Variants in GABRB1 observed in about 807,000 individuals in gnomAD.
The protein encoded by GABRB1 is gamma-aminobutyric acid receptor subunit beta-1.
Under a neutral mutation model 51.6 loss-of-function variants are expected in GABRB1, and 17 were observed. The ratio of observed to expected loss-of-function variants is 0.33; its 90% confidence interval spans 0.23 to 0.49. GABRB1 has a LOEUF of 0.49. GABRB1 is among the 20% of genes least tolerant of loss of function. The probability of loss-of-function intolerance (pLI) is 0.99; values close to 1 mark genes in which losing one functional copy is unlikely to be tolerated. For synonymous variants in GABRB1, 247 were observed against 218.9 expected, an observed-to-expected ratio of 1.13 and a Z score of -1.14; for missense variants, 410 against 600.6, an observed-to-expected ratio of 0.68 and a Z score of 3.32.
At chr4:47,118,344 A>G (rs67848491) in intron 3 of GABRB1, among the ~76,000 whole-genome samples, 67,510 of 151,932 alleles carry the variant, frequency 0.44, 15,634 homozygotes, top group Middle Eastern at 0.52. Flanking sequence ...TCAATGAGAA[A>G]TTCTCTGACT....
At chr4:47,226,691 G>T (rs1314494156) in intron 4 of GABRB1, among the ~76,000 whole-genome samples, 1 of 152,030 alleles carries the variant, frequency 6.6e-6, no homozygotes, top group Non-Finnish European at 1.5e-5. Flanking sequence ...CAGAGATAGG[G>T]CAAAAGAAAA....
In GABRB1 at chr4:47,181,547, C is replaced by G. The variant is rs532341847; in HGVS notation, c.461+20078C>G. On this transcript the variant is annotated intron_variant, in intron 4 of 8. Transcript: ENST00000295454. ...TAATTCTCGTTCCATCATTTAGTAC[C>G]TCTTTGCTCATGTAATTATTTAATC... is the stretch of plus-strand genomic sequence containing the variant. 3.9e-5 allele frequency among the ~76,000 whole-genome samples: 6 copies of G among 152,106 alleles called. No individual in the cohort carries two copies. In the South Asian group the frequency reaches 8.3e-4, roughly 21 times the overall value.
intron 3 of GABRB1, among the ~76,000 whole-genome samples, chr4:47,057,292 G>A (rs1163936571): frequency 6.6e-6 from 1 of 152,050 alleles, no homozygotes; most frequent in East Asian, 1.9e-4. Flanking sequence ...TAATAATCTT[G>A]GCACACAAAG....
At chr4:47,089,402 A>T (rs1460890233) in intron 3 of GABRB1, among the ~76,000 whole-genome samples, 1 of 152,160 alleles carries the variant, frequency 6.6e-6, no homozygotes, top group African/African-American at 2.4e-5. Context: ...TGCCAGTTTA[A>T]AGTGGTCTAT....
intron 5 of GABRB1, among the ~76,000 whole-genome samples, chr4:47,378,947 C>A (rs1727495236): frequency 6.6e-6 from 1 of 152,142 alleles, no homozygotes; most frequent in African/African-American, 2.4e-5. Flanking sequence ...CTTTTTCTCT[C>A]CGTCACACCA....
chr4:47,049,412 T>C (rs1244982501), intron 3 of GABRB1, among the ~76,000 whole-genome samples: 1 of 152,108 alleles, frequency 6.6e-6, no homozygotes, highest in Non-Finnish European at 1.5e-5. Flanking sequence ...AGACGACCAA[T>C]TTTTGGGTAG....
At chr4:47,371,473 A>G (rs1727192935) in intron 5 of GABRB1, among the ~76,000 whole-genome samples, 1 of 152,220 alleles carries the variant, frequency 6.6e-6, no homozygotes, top group Non-Finnish European at 1.5e-5. Flanking sequence ...TTGCTGGTTC[A>G]AGTGGTATTT....
At chr4:47,263,256 A>G (rs1423957573) in intron 4 of GABRB1, among the ~76,000 whole-genome samples, 1 of 152,050 alleles carries the variant, frequency 6.6e-6, no homozygotes, top group East Asian at 1.9e-4. Context: ...ACAAGAATTA[A>G]AATTTTAAGG....
Position 47,364,077 on chromosome 4 carries a change from A to C in GABRB1, c.545-39241A>C, listed in dbSNP as rs55724192. Among the ~76,000 whole-genome samples, 959 of 152,308 alleles carry C rather than the reference A, an allele frequency of 6.3e-3. 15 individuals carry two copies. The highest frequency in any genetic ancestry group is 0.022 in the African/African-American group (908 of 41,542). On this transcript the variant is annotated intron_variant, in intron 5 of 8. Transcript: ENST00000295454. ...CTGGAGATAGAAATGGTCTAAATTC[A>C]CACAATAAAAACTGCATGCATCAGA...
intron 4 of GABRB1, among the ~76,000 whole-genome samples, chr4:47,309,262 GT>G (rs36085340): frequency 6.6e-6 from 1 of 151,018 alleles, no homozygotes; most frequent in Non-Finnish European, 1.5e-5. Context: ...ATCCTTTAAA[GT>G]TTTTTTTTGC....
intron 3 of GABRB1, among the ~76,000 whole-genome samples, chr4:47,043,548 C>A (rs1725952211): frequency 6.6e-6 from 1 of 152,056 alleles, no homozygotes; most frequent in Non-Finnish European, 1.5e-5. Flanking sequence ...TTTGCATAGT[C>A]ACTGTTCTGC....
intron 4 of GABRB1, among the ~76,000 whole-genome samples, chr4:47,289,757 A>G (rs1352268012): frequency 1.3e-5 from 2 of 152,258 alleles, no homozygotes; most frequent in African/African-American, 2.4e-5. Context: ...TTAAATCATA[A>G]CAAGATATAA....
At chr4:47,397,651 C>T (rs2110045131) in intron 5 of GABRB1, among the ~76,000 whole-genome samples, 1 of 152,212 alleles carries the variant, frequency 6.6e-6, no homozygotes, top group South Asian at 2.1e-4. Flanking sequence ...ACTGCAACCT[C>T]CACCTCCCAG....
upstream of GABRB1, among the ~76,000 whole-genome samples, chr4:47,027,360 T>A (rs571532222): frequency 6.6e-6 from 1 of 151,550 alleles, no homozygotes; most frequent in Non-Finnish European, 1.5e-5. Flanking sequence ...AATTGTTACA[T>A]AACAGGAAGT....
intron 4 of GABRB1, among the ~76,000 whole-genome samples, chr4:47,233,305 C>CAA (rs945709248): frequency 1.3e-5 from 2 of 152,126 alleles, no homozygotes; most frequent in African/African-American, 4.8e-5. Context: ...CTCGCTTACT[C>CAA]AAAAACCTCC....
chr4:47,081,138 C>T lies in GABRB1; in HGVS notation c.240+48654C>T, dbSNP rs1350098673. Among the ~76,000 whole-genome samples, 15 of 152,240 alleles carry T rather than the reference C, an allele frequency of 9.9e-5. No homozygotes were observed. In the South Asian group the frequency reaches 1.9e-3, roughly 19 times the overall value. On this transcript the variant is annotated intron_variant, in intron 3 of 8. Transcript: ENST00000295454. ...CCTCCTTAAGATGACATAACGAAGCCTTTGATAACTCTGAAAAACTAAGAC... is the reference window on the plus strand; with the variant it reads ...CCTCCTTAAGATGACATAACGAAGCTTTTGATAACTCTGAAAAACTAAGAC...
chr4:47,127,925 T>A, intron 3 of GABRB1, among the ~76,000 whole-genome samples: 1 of 151,590 alleles, frequency 6.6e-6, no homozygotes, highest in East Asian at 1.9e-4. Flanking sequence ...TTAATTTAAC[T>A]AAATTAAAGC....
chr4:47,091,698 T>C (rs1728300057), intron 3 of GABRB1, among the ~76,000 whole-genome samples: 1 of 152,224 alleles, frequency 6.6e-6, no homozygotes, highest in Non-Finnish European at 1.5e-5. Context: ...TGGACCCACC[T>C]GCATACACTG....
chr4:47,408,938 G>A (rs1182511599), intron 8 of GABRB1, among the ~76,000 whole-genome samples: 1 of 152,206 alleles, frequency 6.6e-6, no homozygotes, highest in Non-Finnish European at 1.5e-5. Flanking sequence ...TCAAAGATAA[G>A]TACAATTTAG....
Sources: gnomAD v4.1 joint callset for allele counts (sites outside exome capture counted in the v4.1 genomes callset) on GRCh38, gnomAD v4.1.1 for gene constraint, MANE v1.5 for transcripts, NCBI Gene and HGNC (gene_info 2026-07-23, HGNC 2026-07-21) for gene names.